SNRPN: variants seen among roughly 807,000 people sequenced by gnomAD.
SNRPN encodes small nuclear ribonucleoprotein polypeptide N.
In SNRPN, 7 loss-of-function variants were observed where a neutral mutation model predicts 25.2. That is an observed-to-expected ratio of 0.28 (90% CI 0.16 to 0.52). The LOEUF (loss-of-function observed/expected upper bound fraction) is 0.52, where lower values mean the gene tolerates loss of function less well. Ranked by LOEUF, SNRPN falls within the 20% of genes least tolerant of loss-of-function variation. The pLI is 0.96. For synonymous variants in SNRPN, 124 were observed against 110.6 expected (o/e 1.12, Z -0.76); for missense variants, 196 against 322.5 (o/e 0.61, Z 3.00).
chr15:24,955,507 G>A (rs1286921923), intron 1 of SNRPN, among the ~76,000 whole-genome samples: 4 of 151,242 alleles, frequency 2.6e-5, no homozygotes, highest in African/African-American at 7.3e-5. Flanking sequence ...GTGGCGGGGC[G>A]AAGGTACGTG....
At chr15:24,886,395 C>T (rs893234540) in intron 1 of SNRPN, 1 of 152,224 alleles carries the variant, frequency 6.6e-6, no homozygotes, top group African/African-American at 2.4e-5. Context: ...TTGAGTCTCA[C>T]TCTCTCCCAC....
chr15:24,851,993 T>C (rs1157673397), upstream of SNRPN: 1 of 152,220 alleles, frequency 6.6e-6, no homozygotes, highest in Non-Finnish European at 1.5e-5. Flanking sequence ...CATTATATCA[T>C]AGAAAAAGTT....
intron 3 of SNRPN, among the ~76,000 whole-genome samples, chr15:24,944,876 G>A (rs1011012501): frequency 3.9e-5 from 6 of 152,166 alleles, no homozygotes; most frequent in Non-Finnish European, 7.3e-5. Context: ...TAGACCAAGG[G>A]CAGTCTGGAG....
chr15:24,940,100 A>G (rs1157271472), intron 3 of SNRPN, among the ~76,000 whole-genome samples: 1 of 152,156 alleles, frequency 6.6e-6, no homozygotes, highest in African/African-American at 2.4e-5. Context: ...GAGGAGTCTT[A>G]TATCTATTCG....
intron 2 of SNRPN, among the ~76,000 whole-genome samples, chr15:24,897,137 C>A (rs1421976251): frequency 6.6e-6 from 1 of 152,012 alleles, no homozygotes; most frequent in South Asian, 2.1e-4. Context: ...TGAGTGAGAG[C>A]CAGACTCTAT....
At chr15:24,884,264 G>A (rs1212541303) in intron 1 of SNRPN, among the ~76,000 whole-genome samples, 1 of 152,064 alleles carries the variant, frequency 6.6e-6, no homozygotes, top group Non-Finnish European at 1.5e-5. Context: ...AGCCCAGAAG[G>A]TCAAGGCTGC....
chr15:24,917,774 T>G (rs925181599), intron 2 of SNRPN, among the ~76,000 whole-genome samples: 1 of 152,240 alleles, frequency 6.6e-6, no homozygotes, highest in Non-Finnish European at 1.5e-5. Flanking sequence ...CGTTTTTATG[T>G]TGTGGATTTA....
At chr15:24,923,915 A>G (rs1353709) in intron 3 of SNRPN, among the ~76,000 whole-genome samples, 23,715 of 66,416 alleles carry the variant, frequency 0.36, 2,664 homozygotes, top group East Asian at 0.44. Flanking sequence ...GTGTGTGTGT[A>G]TATAAACATT....
intron 2 of SNRPN, among the ~76,000 whole-genome samples, chr15:24,912,777 A>G (rs577786237): frequency 1.3e-5 from 2 of 152,280 alleles, no homozygotes; most frequent in African/African-American, 4.8e-5. Flanking sequence ...ATGTGAGGAC[A>G]TAGTCATGGC....
At chr15:24,930,275 G>T (rs1196525367) in intron 3 of SNRPN, among the ~76,000 whole-genome samples, 1 of 147,890 alleles carries the variant, frequency 6.8e-6, no homozygotes, top group Non-Finnish European at 1.5e-5. Context: ...ATGAGTAAAT[G>T]TTAAATAGAT....
chr15:24,956,512 A>G (rs4906940), intron 1 of SNRPN, among the ~76,000 whole-genome samples: 2 of 151,940 alleles, frequency 1.3e-5, no homozygotes, highest in East Asian at 3.9e-4. Context: ...CCCCTCCCCA[A>G]AGTGCTGCTT....
intron 3 of SNRPN, among the ~76,000 whole-genome samples, chr15:24,925,470 T>A (rs1595940488): frequency 6.6e-6 from 1 of 151,818 alleles, no homozygotes; most frequent in East Asian, 1.9e-4. Flanking sequence ...TATGATTGCG[T>A]CCCCCTACCA....
chr15:24,909,296 C>G (rs561323852), intron 2 of SNRPN: 6 of 1,603,216 alleles, frequency 3.7e-6, no homozygotes, highest in Non-Finnish European at 5.1e-6. Context: ...TTGTTTGGTA[C>G]TGTGAGGGAT....
intron 2 of SNRPN, among the ~76,000 whole-genome samples, chr15:24,892,334 T>A (rs1265761035): frequency 6.6e-6 from 1 of 151,968 alleles, no homozygotes; most frequent in Admixed American, 6.6e-5. Context: ...TTTGAAGGGA[T>A]CATATCCAGG....
At chr15:24,876,112 ACT>A (rs1458537286) in intron 1 of SNRPN, among the ~76,000 whole-genome samples, 1 of 151,874 alleles carries the variant, frequency 6.6e-6, no homozygotes, top group Non-Finnish European at 1.5e-5. Flanking sequence ...AGTGTTCAAC[ACT>A]CTTTCTACTT....
chr15:24,835,598 T>C (rs2051096062), intron 2 of SNRPN, among the ~76,000 whole-genome samples: 1 of 151,990 alleles, frequency 6.6e-6, no homozygotes. Flanking sequence ...CTATTCTGTT[T>C]CTCCCTCTCA....
At chr15:24,923,918 TAA>T (rs113372990) in intron 3 of SNRPN, among the ~76,000 whole-genome samples, 28,696 of 102,654 alleles carry the variant, frequency 0.28, 4,481 homozygotes, top group East Asian at 0.53. Context: ...TGTGTGTATA[TAA>T]ACATTTTTTT....
At chr15:24,928,847 A>G (rs552292537) in intron 3 of SNRPN, among the ~76,000 whole-genome samples, 294 of 152,130 alleles carry the variant, frequency 1.9e-3, no homozygotes, top group African/African-American at 6.1e-3. Context: ...GCCTAAAACA[A>G]TCTTCCTGCC....
intron 2 of SNRPN, chr15:24,850,319 T>G (rs1033729719): frequency 6.6e-6 from 1 of 152,194 alleles, no homozygotes; most frequent in African/African-American, 2.4e-5. Flanking sequence ...TCCAATTTTT[T>G]TTTTTGTCTG....
Sources: gnomAD v4.1 joint callset for allele counts (sites outside exome capture counted in the v4.1 genomes callset) on GRCh38, gnomAD v4.1.1 for gene constraint, MANE v1.5 for transcripts, NCBI Gene and HGNC (gene_info 2026-07-23, HGNC 2026-07-21) for gene names.